HSP90AA1: variants seen among roughly 807,000 people sequenced by gnomAD.
HSP90AA1 encodes heat shock protein HSP 90-alpha.
In HSP90AA1, 18 loss-of-function variants were observed where a neutral mutation model predicts 73.3. That is an observed-to-expected ratio of 0.25 (90% confidence interval 0.17 to 0.36). HSP90AA1 has a LOEUF of 0.36. Among genes scored for constraint, HSP90AA1 ranks in the 10% least tolerant of loss-of-function variants. HSP90AA1 has a pLI of 1.00. For missense variants in HSP90AA1, 704 were observed against 874.2 expected, an observed-to-expected ratio of 0.81 and a Z score of 2.45; for synonymous variants, 477 against 296.9, an observed-to-expected ratio of 1.61 and a Z score of -6.24.
chr14:102,099,025 A>G lies in HSP90AA1; in HGVS notation c.366+2850T>C, dbSNP rs372995988. On this transcript the variant is annotated intron_variant, in intron 2 of 11. Transcript: ENST00000334701. Reference sequence around the variant, plus strand: ...TGCAAACACCCTGTACCTTCTCCAAAGTTAGAGCAAGCAAGCATTATGCAA... The same window carrying G: ...TGCAAACACCCTGTACCTTCTCCAAGGTTAGAGCAAGCAAGCATTATGCAA... 4.3e-4 allele frequency among the ~76,000 whole-genome samples: 65 copies of G among 152,322 alleles called. No individual in the cohort carries two copies. In the South Asian group the frequency reaches 0.013, roughly 32 times the overall value.
intron 1 of HSP90AA1, among the ~76,000 whole-genome samples, chr14:102,102,553 A>T (rs1002716904): frequency 6.6e-5 from 10 of 152,152 alleles, no homozygotes; most frequent in Admixed American, 2.0e-4. Flanking sequence ...TCCCCCTTGA[A>T]AGCCCCTTAG....
At chr14:102,100,707 G>A (rs911758319) in intron 2 of HSP90AA1, among the ~76,000 whole-genome samples, 1 of 152,154 alleles carries the variant, frequency 6.6e-6, no homozygotes, top group African/African-American at 2.4e-5. Context: ...TTACAGGCGT[G>A]AGCCACCATG....
At chr14:102,098,345 A>G (rs1289188976) in intron 2 of HSP90AA1, among the ~76,000 whole-genome samples, 1 of 151,086 alleles carries the variant, frequency 6.6e-6, no homozygotes, top group Admixed American at 6.6e-5. Flanking sequence ...TATTTTTAGT[A>G]GAAATGGGGT....
chr14:102,128,400 G>T (rs1256263966), intron 1 of HSP90AA1, among the ~76,000 whole-genome samples: 4 of 152,106 alleles, frequency 2.6e-5, no homozygotes, highest in Non-Finnish European at 5.9e-5. Context: ...GGCCGAGGTG[G>T]GTGGATCACC....
intron 2 of HSP90AA1, among the ~76,000 whole-genome samples, chr14:102,099,287 G>A (rs1284959871): frequency 6.6e-6 from 1 of 151,916 alleles, no homozygotes; most frequent in Non-Finnish European, 1.5e-5. Flanking sequence ...GGCTGGGCAC[G>A]GTGGCTCAAG....
intron 1 of HSP90AA1, among the ~76,000 whole-genome samples, chr14:102,121,032 C>T (rs1055959020): frequency 6.6e-6 from 1 of 151,680 alleles, no homozygotes; most frequent in Non-Finnish European, 1.5e-5. Context: ...TACACACACA[C>T]ACACACACAC....
upstream of HSP90AA1, among the ~76,000 whole-genome samples, chr14:102,088,327 G>A (rs1009631594): frequency 1.3e-5 from 2 of 152,104 alleles, no homozygotes; most frequent in Admixed American, 6.5e-5. Flanking sequence ...CCATGATTGG[G>A]CCGCCTCCTG....
Position 102,081,322 on chromosome 14 carries a change from C to A in HSP90AA1, c.*390G>T, listed in dbSNP as rs937644602. ...GGAATGAAAAGTTCAAAAAGTAGAT[C>A]CTACAAGATGTAACGAATACTTTTC... On this transcript the variant is annotated 3_prime_UTR_variant, in exon 11 of 11. Coordinates refer to ENST00000216281, the MANE Select transcript of HSP90AA1 (RefSeq NM_005348.4). The A allele has an allele frequency of 1.3e-5, 4 of 305,778 alleles. No individual in the cohort carries two copies. Among genetic ancestry groups the A allele is most frequent in the Non-Finnish European group, 2.5e-5 (4 of 162,040 alleles). The allele number at this position is 305,778 out of a possible 1,614,324, so 18.9% of individuals were successfully genotyped here.
chr14:102,102,712 T>C (rs1326253001), intron 1 of HSP90AA1, among the ~76,000 whole-genome samples: 1 of 152,114 alleles, frequency 6.6e-6, no homozygotes, highest in Admixed American at 6.5e-5. Context: ...GAGACTAACT[T>C]TAGATAAAAT....
At chr14:102,112,764 A>G (rs2049657882) in intron 1 of HSP90AA1, among the ~76,000 whole-genome samples, 1 of 152,210 alleles carries the variant, frequency 6.6e-6, no homozygotes, top group African/African-American at 2.4e-5. Flanking sequence ...TACAGGCGTG[A>G]GCCACTGTGC....
chr14:102,091,786 C>G (rs28571830), upstream of HSP90AA1, among the ~76,000 whole-genome samples: 2 of 151,812 alleles, frequency 1.3e-5, no homozygotes, highest in Admixed American at 6.6e-5. Context: ...GCCACCACAC[C>G]CAGCTAAATT....
At chr14:102,135,817 C>T (rs1461819215) in intron 1 of HSP90AA1, among the ~76,000 whole-genome samples, 1 of 152,250 alleles carries the variant, frequency 6.6e-6, no homozygotes, top group Non-Finnish European at 1.5e-5. Context: ...GCGGGGCCCG[C>T]CAAGCCCACG....
rs746786332 is a variant in HSP90AA1, at chr14:102,083,752, TAA to T, written c.1338+39_1338+40del. 3.1e-5 allele frequency: 39 copies of T among 1,266,820 alleles called. No homozygotes were observed. In the African/African-American group the frequency reaches 5.1e-4, roughly 16 times the overall value. 78.5% of individuals were successfully genotyped at this position (1,266,820 alleles called of 1,614,324 possible). A position where few individuals can be genotyped will look rare whatever the true frequency, so the allele number is the denominator to read the frequency against. On this transcript the variant is annotated intron_variant, in intron 7 of 10. Transcript: ENST00000216281. ...TGAATTAAAAAAAAAAAAAAAAAAC[TAA>T]AGAGGCCAATTGGAAAACTAATGGT...
intron 1 of HSP90AA1, among the ~76,000 whole-genome samples, chr14:102,109,075 C>T (rs894070310): frequency 3.3e-5 from 5 of 152,190 alleles, no homozygotes; most frequent in African/African-American, 1.2e-4. Flanking sequence ...ACACCCAGCT[C>T]AAGATGCAGA....
intron 1 of HSP90AA1, among the ~76,000 whole-genome samples, chr14:102,130,405 A>G (rs1185776419): frequency 2.0e-5 from 3 of 152,144 alleles, no homozygotes; most frequent in Admixed American, 2.0e-4. Flanking sequence ...TCCTATCTGC[A>G]GTACATGGGG....
At chr14:102,099,236 C>T (rs771952935) in intron 2 of HSP90AA1, among the ~76,000 whole-genome samples, 2 of 152,228 alleles carry the variant, frequency 1.3e-5, no homozygotes, top group Non-Finnish European at 2.9e-5. Context: ...AAATTGAAAA[C>T]CTTTTCAACA....
intron 1 of HSP90AA1, among the ~76,000 whole-genome samples, chr14:102,102,811 G>T (rs754792502): frequency 1.6e-4 from 24 of 152,068 alleles, no homozygotes; most frequent in Non-Finnish European, 2.9e-4. Context: ...CAAGGGGAGT[G>T]CATTGCTTAA....
intron 1 of HSP90AA1, among the ~76,000 whole-genome samples, chr14:102,126,657 TGA>T (rs1356927955): frequency 2.6e-5 from 4 of 152,110 alleles, no homozygotes; most frequent in Non-Finnish European, 4.4e-5. Context: ...CAAGAGTAGC[TGA>T]GACTACAGGC....
chr14:102,086,362 T>C lies in HSP90AA1; in HGVS notation c.17A>G (p.Gln6Arg), dbSNP rs372390355. The C allele has an allele frequency of 6.2e-7, 1 of 1,614,198 alleles. No homozygotes were observed. Among genetic ancestry groups the C allele is most frequent in the Non-Finnish European group, 8.5e-7 (1 of 1,180,038 alleles). Residue 6 changes from glutamine to arginine, a missense_variant, in exon 2 of 11, where the codon CAG becomes CGG. Gln to Arg is a conservative substitution (Grantham distance 43). Coordinates refer to ENST00000216281, the MANE Select transcript of HSP90AA1 (RefSeq NM_005348.4). MPEETQTQDQPMEEEE... is the reference protein window; with the variant it reads MPEETRTQDQPMEEEE... Reference sequence around the variant, plus strand: ...CTCCTCCATCGGTTGGTCTTGGGTCTGGGTTTCCTCAGGCATCTGGAACGA... The same window carrying C: ...CTCCTCCATCGGTTGGTCTTGGGTCCGGGTTTCCTCAGGCATCTGGAACGA...
Sources: gnomAD v4.1 joint callset for allele counts (sites outside exome capture counted in the v4.1 genomes callset) on GRCh38, gnomAD v4.1.1 for gene constraint, MANE v1.5 for transcripts, NCBI Gene and HGNC (gene_info 2026-07-23, HGNC 2026-07-21) for gene names.